Variants in ZNF98 observed in about 807,000 individuals in gnomAD.
The protein encoded by ZNF98 is zinc finger protein 739.
ZNF98 carries 8 observed loss-of-function variants against 12.8 expected under a neutral mutation model. The ratio of observed to expected loss-of-function variants is 0.63; its 90% confidence interval spans 0.37 to 1.13. ZNF98 has a LOEUF of 1.13. Ranked by LOEUF, ZNF98 falls within the 50% of genes most tolerant of loss-of-function variation. The probability of loss-of-function intolerance (pLI) is 0.01; values close to 1 mark genes in which losing one functional copy is unlikely to be tolerated. For missense variants in ZNF98, 379 were observed against 666.1 expected (o/e 0.57, Z 4.74); for synonymous variants, 112 against 223.5 (o/e 0.50, Z 4.45).
At chr19:22,421,805 G>C (rs1258152419) in intron 1 of ZNF98, among the ~76,000 whole-genome samples, 1 of 152,128 alleles carries the variant, frequency 6.6e-6, no homozygotes, top group Non-Finnish European at 1.5e-5. Context: ...GCGAAAAGAG[G>C]AACTAGGAAC....
chr19:22,420,629 A>G (rs1969693287), intron 1 of ZNF98, among the ~76,000 whole-genome samples: 1 of 151,366 alleles, frequency 6.6e-6, no homozygotes. Flanking sequence ...TCCCTACCTC[A>G]GGTTGTCCTA....
chr19:22,405,665 C>T (rs890628744), intron 1 of ZNF98, among the ~76,000 whole-genome samples: 4 of 152,226 alleles, frequency 2.6e-5, no homozygotes, highest in Admixed American at 6.5e-5. Flanking sequence ...AGATTCTCAA[C>T]AACCTCTCAG....
intron 3 of ZNF98, among the ~76,000 whole-genome samples, chr19:22,399,069 A>G (rs1410821994): frequency 1.3e-5 from 2 of 152,218 alleles, no homozygotes; most frequent in Non-Finnish European, 2.9e-5. Flanking sequence ...TGTAAAACCA[A>G]AAAACACAAT....
intron 1 of ZNF98, among the ~76,000 whole-genome samples, chr19:22,416,811 G>GCA (rs896126940): frequency 4.6e-5 from 7 of 151,130 alleles, no homozygotes; most frequent in South Asian, 2.1e-4. Flanking sequence ...GTTAAAACAT[G>GCA]CACACACACA....
intron 1 of ZNF98, among the ~76,000 whole-genome samples, chr19:22,417,293 CA>C (rs980564996): frequency 2.0e-5 from 2 of 100,792 alleles, no homozygotes; most frequent in Non-Finnish European, 4.1e-5. Flanking sequence ...CACATAAAAA[CA>C]AAGAGGGAAC....
chr19:22,395,296 T>C (rs576392057), intron 3 of ZNF98, among the ~76,000 whole-genome samples: 58 of 151,530 alleles, frequency 3.8e-4, no homozygotes, highest in Non-Finnish European at 7.2e-4. Context: ...CCAGAATCTC[T>C]AGCCAAGATA....
chr19:22,416,495 T>C (rs1001910524), intron 1 of ZNF98, among the ~76,000 whole-genome samples: 8 of 145,378 alleles, frequency 5.5e-5, no homozygotes, highest in African/African-American at 2.1e-4. Flanking sequence ...AAGTATGGTG[T>C]CCGGGTGCAG....
intron 1 of ZNF98, among the ~76,000 whole-genome samples, chr19:22,407,357 C>G (rs1007318011): frequency 6.7e-6 from 1 of 150,066 alleles, no homozygotes; most frequent in Non-Finnish European, 1.5e-5. Context: ...GTGCCCAGTC[C>G]TATTTTGTTA....
At position 22,392,707 on chromosome 19, in the gene ZNF98, A is replaced by ATGTCC; in HGVS notation, c.523_527dup (p.His176GlnfsTer24). 1.2e-6 allele frequency: 2 copies of ATGTCC among 1,603,706 alleles called. No homozygotes were observed. Among genetic ancestry groups the ATGTCC allele is most frequent in the Non-Finnish European group, 1.7e-6 (2 of 1,174,414 alleles). On this transcript the variant is annotated frameshift_variant, in exon 4 of 4. Transcript: ENST00000357774. LOFTEE classifies it low-confidence loss of function (END_TRUNC). Reference sequence around the variant, plus strand: ...TACACTTGAAAGATTTCTTTCCAGTATGTCCTATCTTATGTCTGTTTGAAT... The same window carrying ATGTCC: ...TACACTTGAAAGATTTCTTTCCAGTATGTCCTGTCCTATCTTATGTCTGTTTGAAT...
chr19:22,398,625 G>A (rs182971053), intron 3 of ZNF98, among the ~76,000 whole-genome samples: 1 of 152,110 alleles, frequency 6.6e-6, no homozygotes, highest in Non-Finnish European at 1.5e-5. Flanking sequence ...AAAATCCGGG[G>A]ATTACAGACG....
At chr19:22,419,000 T>TA (rs1461304462) in intron 1 of ZNF98, among the ~76,000 whole-genome samples, 1 of 152,186 alleles carries the variant, frequency 6.6e-6, no homozygotes, top group Non-Finnish European at 1.5e-5. Context: ...TGAGTCGAAA[T>TA]ACAACCGCAT....
chr19:22,419,286 A>T (rs575165595), intron 1 of ZNF98, among the ~76,000 whole-genome samples: 5 of 152,174 alleles, frequency 3.3e-5, no homozygotes, highest in Non-Finnish European at 7.3e-5. Context: ...TCTTCACAAG[A>T]ATCCTGCCAG....
chr19:22,393,793 A>C (rs533795425), intron 3 of ZNF98, among the ~76,000 whole-genome samples: 2 of 152,350 alleles, frequency 1.3e-5, no homozygotes, highest in South Asian at 4.1e-4. Flanking sequence ...TTCATGACTA[A>C]AACACCAAAA....
chr19:22,414,480 A>G (rs1005870967), intron 1 of ZNF98, among the ~76,000 whole-genome samples: 6 of 152,164 alleles, frequency 3.9e-5, no homozygotes, highest in African/African-American at 1.4e-4. Context: ...ACATTACCTG[A>G]ATTCAAACTA....
intron 1 of ZNF98, among the ~76,000 whole-genome samples, chr19:22,419,236 T>C (rs533031577): frequency 6.6e-6 from 1 of 152,340 alleles, no homozygotes; most frequent in South Asian, 2.1e-4. Context: ...CTTTGGTTTA[T>C]TTTAAATAGT....
Position 22,392,877 on chromosome 19 carries a change from A to G in ZNF98, c.358T>C (p.Leu120=). 1 of 1,607,746 alleles carries G rather than the reference A, an allele frequency of 6.2e-7. No homozygotes were observed. ...CTTTTACAGTATTTTCTTAACTGTA[A>G]ATTTTCACGTCCACATTTTTTATAT... The part of the protein sequence containing the change: ...RTYKKCGREN[L]QLRKYCKSMD... Residue 120 remains leucine (L), a synonymous_variant, in exon 4 of 4, where the codon TTA becomes CTA. Coordinates refer to ENST00000357774, the MANE Select transcript of ZNF98 (RefSeq NM_001098626.2).
intron 1 of ZNF98, among the ~76,000 whole-genome samples, chr19:22,420,157 C>T (rs1025985187): frequency 6.6e-5 from 10 of 151,968 alleles, no homozygotes; most frequent in Non-Finnish European, 1.0e-4. Context: ...AGCTAGACTC[C>T]GTCTCAAAAA....
chr19:22,411,474 CT>C (rs1161135538), intron 1 of ZNF98, among the ~76,000 whole-genome samples: 4 of 152,182 alleles, frequency 2.6e-5, no homozygotes, highest in Admixed American at 1.3e-4. Context: ...TTGTGTCCAA[CT>C]TTCATGTGCT....
In ZNF98 at chr19:22,392,753, T is replaced by G; in HGVS notation, c.482A>C (p.Lys161Thr). Reference sequence around the variant, plus strand: ...TGAATTTGAAAATTTATGAAAGACTTTCACATATTTGTCATATTGAAATAT... The same window carrying G: ...TGAATTTGAAAATTTATGAAAGACTGTCACATATTTGTCATATTGAAATAT... Reference protein sequence around the residue: ...NKIFQYDKYVKVFHKFSNSNR... With the variant: ...NKIFQYDKYVTVFHKFSNSNR... The change falls in exon 4 of 4, where the codon AAA becomes ACA. Residue 161 changes from lysine (K) to threonine (T), a missense_variant. Lys to Thr is a moderately conservative substitution (Grantham distance 78, BLOSUM62 -1). This residue lies in a region of ZNF98 where 223 missense variants were observed against 261.6 expected (regional missense o/e 0.85). Transcript: ENST00000357774. 1.2e-6 allele frequency: 2 copies of G among 1,609,978 alleles called. No homozygotes were observed. The highest frequency in any genetic ancestry group is 1.7e-6 in the Non-Finnish European group (2 of 1,178,026).
Sources: allele counts gnomAD v4.1 joint callset (sites outside exome capture counted in the v4.1 genomes callset), GRCh38; gene constraint gnomAD v4.1.1; regional missense constraint gnomAD v4.1.1; transcripts MANE v1.5; gene names NCBI Gene and HGNC (gene_info 2026-07-23, HGNC 2026-07-21).